Variants in B4GALT1 observed in about 807,000 individuals in gnomAD.
B4GALT1 encodes N-acetyllactosamine synthase.
In B4GALT1, 16 loss-of-function variants were observed where a neutral mutation model predicts 34.9. The ratio of observed to expected loss-of-function variants is 0.46; its 90% CI spans 0.31 to 0.70. B4GALT1 has a LOEUF of 0.70. B4GALT1 is among the 30% of genes least tolerant of loss of function. The pLI is 0.05. For missense variants in B4GALT1, 445 were observed against 530.5 expected, an observed-to-expected ratio of 0.84 and a Z score of 1.58; for synonymous variants, 221 against 218.1, an observed-to-expected ratio of 1.01 and a Z score of -0.12.
At chr9:33,122,742 G>T (rs1391576980) in intron 2 of B4GALT1, among the ~76,000 whole-genome samples, 1 of 152,190 alleles carries the variant, frequency 6.6e-6, no homozygotes, top group Non-Finnish European at 1.5e-5. Context: ...ACCCCGCGTG[G>T]TGAGTGAAGG....
chr9:33,149,427 C>T (rs562692869), intron 1 of B4GALT1, among the ~76,000 whole-genome samples: 12 of 151,998 alleles, frequency 7.9e-5, no homozygotes, highest in African/African-American at 2.4e-4. Context: ...ACTACAAATG[C>T]GCCACCACGC....
upstream of B4GALT1, chr9:33,167,487 G>C (rs983816669): frequency 4.3e-6 from 1 of 230,174 alleles, no homozygotes; most frequent in African/African-American, 2.3e-5. Flanking sequence ...GCCTCGGGAG[G>C]GTGGGCAGCG....
intron 2 of B4GALT1, among the ~76,000 whole-genome samples, chr9:33,105,107 A>G (rs1485675962): frequency 6.6e-6 from 1 of 151,706 alleles, no homozygotes; most frequent in African/African-American, 2.4e-5. Flanking sequence ...GGCGTGAGCC[A>G]CTCACTGCGC....
chr9:33,166,636 T>C, intron 1 of B4GALT1, 122 bp downstream of exon 1: 3 of 1,186,928 alleles, frequency 2.5e-6, no homozygotes, highest in Non-Finnish European at 3.4e-6. Flanking sequence ...TTTAAAACTC[T>C]GATCCAGAAG....
downstream of B4GALT1, chr9:33,108,854 T>C (rs1175077852): frequency 1.3e-5 from 2 of 152,156 alleles, no homozygotes; most frequent in East Asian, 3.8e-4. Context: ...ACAGAGCCCC[T>C]AAAACTCTTA....
At chr9:33,157,639 A>C (rs147119580) in intron 1 of B4GALT1, among the ~76,000 whole-genome samples, 181 of 152,336 alleles carry the variant, frequency 1.2e-3, no homozygotes, top group Non-Finnish European at 1.9e-3. Context: ...GCTCTGTTAC[A>C]GAAGTGGGAG....
chr9:33,139,008 C>T (rs1399011902), intron 1 of B4GALT1, among the ~76,000 whole-genome samples: 3 of 152,128 alleles, frequency 2.0e-5, no homozygotes, highest in African/African-American at 4.8e-5. Flanking sequence ...GCTCCCATGC[C>T]GGGGCTGTCC....
intron 5 of B4GALT1, 47 bp downstream of exon 5, chr9:33,113,727 T>G: frequency 6.2e-7 from 1 of 1,611,156 alleles, no homozygotes; most frequent in East Asian, 2.2e-5. Flanking sequence ...ACCTGCAGCC[T>G]ACCTCATCCT....
At chr9:33,120,211 G>T (rs958789530) in intron 3 of B4GALT1, among the ~76,000 whole-genome samples, 2 of 151,812 alleles carry the variant, frequency 1.3e-5, no homozygotes, top group African/African-American at 4.8e-5. Context: ...AAAAAAGGGG[G>T]GAAAATTTGT....
intron 2 of B4GALT1, among the ~76,000 whole-genome samples, chr9:33,126,515 A>G: frequency 1.2e-5 from 1 of 83,352 alleles, no homozygotes; most frequent in South Asian, 3.6e-4. Flanking sequence ...CCTGGACTCC[A>G]GCAATCTTCT....
intron 1 of B4GALT1, among the ~76,000 whole-genome samples, chr9:33,154,126 A>G (rs750579445): frequency 1.3e-5 from 2 of 152,188 alleles, no homozygotes; most frequent in Non-Finnish European, 2.9e-5. Context: ...AACTCAATCC[A>G]GCAACAAATA....
rs376158871 is a variant in B4GALT1, at chr9:33,120,122, T to G, written c.836+297A>C. Among the ~76,000 whole-genome samples, 267 of 151,256 alleles carry G rather than the reference T, an allele frequency of 1.8e-3. 1 individual carries two copies. Among genetic ancestry groups the G allele is most frequent in the African/African-American group, 6.2e-3 (257 of 41,138 alleles). On this transcript the variant is annotated intron_variant, in intron 3 of 5. Transcript: ENST00000379731. ...TGGCATGAACCCGGGAGGCAGAGGTTGCGGTGAGCCAAGATCACGGCACTG... is the reference window on the plus strand; with the variant it reads ...TGGCATGAACCCGGGAGGCAGAGGTGGCGGTGAGCCAAGATCACGGCACTG...
chr9:33,127,778 A>G (rs1840134312), intron 2 of B4GALT1, among the ~76,000 whole-genome samples: 1 of 152,230 alleles, frequency 6.6e-6, no homozygotes, highest in Non-Finnish European at 1.5e-5. Context: ...TTTAAGGAAA[A>G]AGCAGGATAC....
intron 3 of B4GALT1, 64 bp downstream of exon 3, chr9:33,120,355 G>C (rs1840002459): frequency 1.9e-6 from 3 of 1,580,170 alleles, no homozygotes; most frequent in African/African-American, 1.3e-5. Context: ...TGCCAGGACT[G>C]CATTTCCTAG....
chr9:33,123,942 C>T (rs1840058032), intron 2 of B4GALT1, among the ~76,000 whole-genome samples: 1 of 152,134 alleles, frequency 6.6e-6, no homozygotes, highest in African/African-American at 2.4e-5. Flanking sequence ...TCCAAAATAA[C>T]CTGAACTATA....
chr9:33,157,443 G>C (rs1317971631), intron 1 of B4GALT1, among the ~76,000 whole-genome samples: 2 of 152,138 alleles, frequency 1.3e-5, no homozygotes, highest in African/African-American at 4.8e-5. Context: ...ACCTGGAATA[G>C]TGTATGCTAA....
intron 2 of B4GALT1, among the ~76,000 whole-genome samples, chr9:33,129,080 C>T (rs767853580): frequency 1.3e-5 from 2 of 152,188 alleles, no homozygotes; most frequent in African/African-American, 4.8e-5. Context: ...TTCTCCACAG[C>T]CTTTCAGGCA....
chr9:33,169,449 A>G (rs890825069), upstream of B4GALT1, among the ~76,000 whole-genome samples: 1 of 151,900 alleles, frequency 6.6e-6, no homozygotes, highest in African/African-American at 2.4e-5. Flanking sequence ...ATGTCACCTT[A>G]TGACAGAGAC....
At chr9:33,154,273 G>C (rs1224668471) in intron 1 of B4GALT1, among the ~76,000 whole-genome samples, 1 of 152,020 alleles carries the variant, frequency 6.6e-6, no homozygotes, top group African/African-American at 2.4e-5. Flanking sequence ...ACACAGAAAA[G>C]CATTTGACAA....
Sources: gnomAD v4.1 joint callset for allele counts (sites outside exome capture counted in the v4.1 genomes callset) on GRCh38, gnomAD v4.1.1 for gene constraint, MANE v1.5 for transcripts, NCBI Gene and HGNC (gene_info 2026-07-23, HGNC 2026-07-21) for gene names.